Variants in FAM107B observed in about 807,000 individuals in gnomAD.
The protein encoded by FAM107B is protein FAM107B.
A neutral mutation model predicts 31.5 loss-of-function variants in FAM107B; 21 were observed. The observed-to-expected ratio is 0.67, with a 90% confidence interval of 0.47 to 0.96. The LOEUF (loss-of-function observed/expected upper bound fraction) is 0.96. FAM107B is among the 40% of genes least tolerant of loss of function. The pLI, the probability that FAM107B is intolerant of heterozygous loss-of-function variation, is 0.00. For synonymous variants in FAM107B, 157 were observed against 141.5 expected, an observed-to-expected ratio of 1.11 and a Z score of -0.78; for missense variants, 452 against 377.1, an observed-to-expected ratio of 1.20 and a Z score of -1.64.
intron 2 of FAM107B, among the ~76,000 whole-genome samples, chr10:14,609,447 G>A (rs1298881991): frequency 6.6e-6 from 1 of 152,114 alleles, no homozygotes; most frequent in African/African-American, 2.4e-5. Flanking sequence ...TTCTTTGCTG[G>A]CTGTCAGCTG....
chr10:14,644,685 G>T (rs924080082), intron 2 of FAM107B, among the ~76,000 whole-genome samples: 4 of 152,160 alleles, frequency 2.6e-5, no homozygotes, highest in Non-Finnish European at 5.9e-5. Context: ...CTATGGCAAG[G>T]CATTTTAATG....
At position 14,530,332 on chromosome 10, in the gene FAM107B, CT is replaced by C; in HGVS notation, c.652del (p.Arg218GlyfsTer14). Reference sequence around the variant, plus strand: ...AAATATGCTCAAGAAACCATTTTACCTTTTTTGATTCATAAGAAGTTCTCTG... The same window carrying C: ...AAATATGCTCAAGAAACCATTTTACCTTTTTGATTCATAAGAAGTTCTCTG... ...LHRELLMNQK[R>X]GLAPQNKPEL... On this transcript the variant is annotated frameshift_variant and splice_region_variant, in exon 3 of 5. Transcript: ENST00000181796. LOFTEE classifies it high-confidence loss of function. The C allele has an allele frequency of 1.3e-6, 2 of 1,599,444 alleles. No individual in the cohort carries two copies.
chr10:14,661,032 C>T (rs1211480106), intron 2 of FAM107B, among the ~76,000 whole-genome samples: 2 of 152,080 alleles, frequency 1.3e-5, no homozygotes, highest in Non-Finnish European at 2.9e-5. Context: ...AAGTATGTAG[C>T]ACCTTCCACT....
At chr10:14,681,052 T>G (rs766357434) in intron 1 of FAM107B, among the ~76,000 whole-genome samples, 1 of 152,200 alleles carries the variant, frequency 6.6e-6, no homozygotes, top group Non-Finnish European at 1.5e-5. Flanking sequence ...CCACCTTCAC[T>G]GTGTAGAATG....
At chr10:14,566,005 T>C (rs1461170430) in intron 2 of FAM107B, among the ~76,000 whole-genome samples, 1 of 152,218 alleles carries the variant, frequency 6.6e-6, no homozygotes, top group African/African-American at 2.4e-5. Flanking sequence ...TTCATGGGCA[T>C]GGGACCTTCA....
At chr10:14,681,233 C>T (rs1233229931) in intron 1 of FAM107B, among the ~76,000 whole-genome samples, 2 of 152,232 alleles carry the variant, frequency 1.3e-5, no homozygotes, top group African/African-American at 4.8e-5. Flanking sequence ...CTTCAGCAGG[C>T]CTGGGCCTCT....
intron 2 of FAM107B, among the ~76,000 whole-genome samples, chr10:14,596,236 C>T (rs1424537778): frequency 6.9e-6 from 1 of 144,674 alleles, no homozygotes; most frequent in Non-Finnish European, 1.5e-5. Context: ...AATAAAAACA[C>T]AACCTGCTCT....
intron 2 of FAM107B, among the ~76,000 whole-genome samples, chr10:14,624,048 A>G (rs1320670247): frequency 1.3e-5 from 2 of 152,300 alleles, no homozygotes; most frequent in Non-Finnish European, 1.5e-5. Flanking sequence ...CAGTTGTGTC[A>G]TCAGCAACCA....
intron 2 of FAM107B, among the ~76,000 whole-genome samples, chr10:14,644,573 C>G (rs796992924): frequency 7.9e-5 from 12 of 152,342 alleles, no homozygotes; most frequent in African/African-American, 2.9e-4. Flanking sequence ...AAAATATCAT[C>G]TTGGTTTTGC....
At chr10:14,771,917 C>A (rs1833312612) in intron 1 of FAM107B, among the ~76,000 whole-genome samples, 1 of 152,192 alleles carries the variant, frequency 6.6e-6, no homozygotes, top group Non-Finnish European at 1.5e-5. Context: ...GTAGTAGAAG[C>A]ACATTATAAT....
Position 14,625,868 on chromosome 10 carries a change from T to TAAAAAAAAA in FAM107B, c.469+41757_469+41765dup, listed in dbSNP as rs58736805. On this transcript the variant is annotated intron_variant, in intron 2 of 4. Transcript: ENST00000181796. Reference sequence around the variant, plus strand: ...GACCTCCATGCAGCTGCTCATGGATTAAAAAAAAAAAAGCTAATTTCAACA... The same window carrying TAAAAAAAAA: ...GACCTCCATGCAGCTGCTCATGGATTAAAAAAAAAAAAAAAAAAAAAGCTAATTTCAACA... 3.6e-4 allele frequency among the ~76,000 whole-genome samples: 39 copies of TAAAAAAAAA among 108,916 alleles called. 1 individual carries two copies. Among genetic ancestry groups the TAAAAAAAAA allele is most frequent in the Middle Eastern group, 5.3e-3 (1 of 190 alleles). 71.5% of individuals were successfully genotyped at this position (108,916 alleles called of 152,430 possible). A position where few individuals can be genotyped will look rare whatever the true frequency, so the allele number is the denominator to read the frequency against.
At chr10:14,586,975 C>G (rs1273622329) in intron 2 of FAM107B, among the ~76,000 whole-genome samples, 3 of 152,280 alleles carry the variant, frequency 2.0e-5, no homozygotes. Flanking sequence ...CTCATTGAGT[C>G]CTATGAGAAT....
chr10:14,600,344 G>A (rs533607854), intron 2 of FAM107B, among the ~76,000 whole-genome samples: 19 of 152,206 alleles, frequency 1.2e-4, no homozygotes, highest in African/African-American at 3.4e-4. Context: ...CAAAGTGTCC[G>A]AACCCCACAG....
At chr10:14,665,781 C>T (rs903349964) in intron 2 of FAM107B, among the ~76,000 whole-genome samples, 31 of 152,326 alleles carry the variant, frequency 2.0e-4, no homozygotes, top group African/African-American at 7.2e-4. Flanking sequence ...GATCCTGCTT[C>T]CCAGTGCAAA....
chr10:14,772,630 G>A (rs1348271860), intron 1 of FAM107B, among the ~76,000 whole-genome samples: 1 of 152,016 alleles, frequency 6.6e-6, no homozygotes, highest in Non-Finnish European at 1.5e-5. Flanking sequence ...GCCTCATGGA[G>A]CCCCTCCCAC....
intron 2 of FAM107B, among the ~76,000 whole-genome samples, chr10:14,613,423 T>C (rs573159433): frequency 6.6e-6 from 1 of 152,360 alleles, no homozygotes; most frequent in Admixed American, 6.5e-5. Context: ...AGACAGTTTA[T>C]CCATGTGACT....
At chr10:14,646,925 C>T (rs1274087694) in intron 2 of FAM107B, among the ~76,000 whole-genome samples, 3 of 150,702 alleles carry the variant, frequency 2.0e-5, no homozygotes, top group Admixed American at 6.7e-5. Context: ...TCCCAAGTAG[C>T]TGGGACTATA....
chr10:14,767,055 T>TATATATAGAGAG (rs1440609298), intron 1 of FAM107B, among the ~76,000 whole-genome samples: 9 of 18,278 alleles, frequency 4.9e-4, no homozygotes, highest in Admixed American at 8.8e-4. Flanking sequence ...TATATATATA[T>TATATATAGAGAG]AGAGAGAGAG....
chr10:14,599,288 C>T (rs1389572276), intron 2 of FAM107B, among the ~76,000 whole-genome samples: 1 of 152,168 alleles, frequency 6.6e-6, no homozygotes, highest in Non-Finnish European at 1.5e-5. Flanking sequence ...GCAGCCCCAC[C>T]AGGAAGAGGC....
Sources: gnomAD v4.1 joint callset for allele counts (sites outside exome capture counted in the v4.1 genomes callset) on GRCh38, gnomAD v4.1.1 for gene constraint, MANE v1.5 for transcripts, NCBI Gene and HGNC (gene_info 2026-07-23, HGNC 2026-07-21) for gene names.